Variants in GALNT9 observed in about 807,000 individuals in gnomAD.
GALNT9 encodes polypeptide N-acetylgalactosaminyltransferase 9.
Under a neutral mutation model 63.1 loss-of-function variants are expected in GALNT9, and 47 were observed. The ratio of observed to expected loss-of-function variants is 0.75; its 90% confidence interval spans 0.59 to 0.95. GALNT9 has a LOEUF of 0.95. Ranked by LOEUF, GALNT9 falls within the 40% of genes least tolerant of loss-of-function variation. The pLI is 0.00. For missense variants in GALNT9, 829 were observed against 874.8 expected (o/e 0.95, Z 0.66); for synonymous variants, 396 against 365.7 (o/e 1.08, Z -0.94).
At chr12:132,313,891 C>T (rs1459869030) in intron 1 of GALNT9, among the ~76,000 whole-genome samples, 1 of 134,182 alleles carries the variant, frequency 7.5e-6, no homozygotes, top group African/African-American at 2.8e-5. Context: ...TACATACATA[C>T]ATACATACGT....
At chr12:132,229,558 C>T (rs1422684125) in intron 6 of GALNT9, among the ~76,000 whole-genome samples, 1 of 152,254 alleles carries the variant, frequency 6.6e-6, no homozygotes, top group Non-Finnish European at 1.5e-5. Context: ...AGGCACAGCC[C>T]CGCAGTAAGT....
rs1034708311 is a variant in GALNT9, at chr12:132,319,614, G to A, written c.238+9352C>T. ...TCTCTATCCGCCGGCTCCTTTCCTC[G>A]GGAGAGCCCTGACGCACACACTAGC... On this transcript the variant is annotated intron_variant, in intron 1 of 10. Coordinates refer to ENST00000328957, the MANE Select transcript of GALNT9 (RefSeq NM_001122636.2). The surrounding 1 kb of genome is among the most constrained non-coding windows in gnomAD (Gnocchi z 5.2). Among the ~76,000 whole-genome samples the A allele has an allele frequency of 1.2e-4, 18 of 152,044 alleles. No homozygotes were observed. The highest frequency in any genetic ancestry group is 2.2e-4 in the Non-Finnish European group (15 of 68,026).
chr12:132,262,317 A>ACCC, intron 3 of GALNT9, 142 bp downstream of exon 3: 1 of 1,136,490 alleles, frequency 8.8e-7, no homozygotes, highest in South Asian at 1.7e-5. Context: ...GGCAGGAGGG[A>ACCC]CCCCCATAGG....
chr12:132,248,148 G>C (rs1263323392), intron 5 of GALNT9, 121 bp from the exon 6 acceptor site: 6 of 1,383,672 alleles, frequency 4.3e-6, no homozygotes, highest in Middle Eastern at 2.5e-4. Context: ...CCTCCTCCCT[G>C]TGCACTCAGG....
At chr12:132,259,903 C>T (rs1489764884) in intron 4 of GALNT9, among the ~76,000 whole-genome samples, 2 of 152,002 alleles carry the variant, frequency 1.3e-5, no homozygotes, top group South Asian at 2.1e-4. Flanking sequence ...AATGTCCTCC[C>T]GGGTCTTCCT....
chr12:132,301,735 C>A (rs1881304141), intron 1 of GALNT9, among the ~76,000 whole-genome samples: 1 of 152,390 alleles, frequency 6.6e-6, no homozygotes, highest in South Asian at 2.1e-4. Context: ...CAGCCTCCCC[C>A]ATGCCCTGCA....
intron 6 of GALNT9, among the ~76,000 whole-genome samples, chr12:132,219,863 G>T (rs1877377988): frequency 6.7e-6 from 1 of 149,534 alleles, no homozygotes; most frequent in Non-Finnish European, 1.5e-5. Flanking sequence ...CACCCGCCCG[G>T]GAAAGGGGAA....
At chr12:132,268,072 C>T (rs118129263) in intron 2 of GALNT9, among the ~76,000 whole-genome samples, 330 of 150,688 alleles carry the variant, frequency 2.2e-3, no homozygotes, top group South Asian at 0.011. Flanking sequence ...CACGCACTCA[C>T]GCAGTCACAT....
In GALNT9 at chr12:132,316,236, C is replaced by T. The variant is rs1001446039; in HGVS notation, c.238+12730G>A. 5.9e-5 allele frequency among the ~76,000 whole-genome samples: 9 copies of T among 152,136 alleles called. No individual in the cohort carries two copies. The South Asian group carries it at 1.9e-3, about 32-fold the overall frequency. On this transcript the variant is annotated intron_variant, in intron 1 of 10. Transcript: ENST00000328957. The surrounding 1 kb of genome is among the most constrained non-coding windows in gnomAD (Gnocchi z 4.3). ...AAGCTGGATCACAGTCAGTGCCTGC[C>T]CCGGGCCCCGACCTGCAAAGGGGGG...
At chr12:132,225,636 C>A (rs1870274659) in intron 6 of GALNT9, among the ~76,000 whole-genome samples, 1 of 149,274 alleles carries the variant, frequency 6.7e-6, no homozygotes, top group South Asian at 2.1e-4. Flanking sequence ...AACCCACACC[C>A]CACACACTGT....
At chr12:132,222,951 A>C (rs1877519880) in intron 6 of GALNT9, among the ~76,000 whole-genome samples, 3 of 105,558 alleles carry the variant, frequency 2.8e-5, no homozygotes, top group Non-Finnish European at 1.9e-5. Context: ...ACACCACACA[A>C]CTCACACCCC....
rs576719500 is a variant in GALNT9, at chr12:132,319,667, G to C, written c.238+9299C>G. On this transcript the variant is annotated intron_variant, in intron 1 of 10. Coordinates refer to ENST00000328957, the MANE Select transcript of GALNT9 (RefSeq NM_001122636.2). The surrounding 1 kb of genome is among the most constrained non-coding windows in gnomAD (Gnocchi z 5.2). ...AGTTTGCTTTTCAACAGGCCTTTCC[G>C]TCTGGGGCAGGTCAACACCCCACTC... is the stretch of plus-strand genomic sequence containing the variant. Among the ~76,000 whole-genome samples the C allele has an allele frequency of 6.6e-6, 1 of 152,082 alleles. No individual in the cohort carries two copies.
intron 10 of GALNT9, 133 bp downstream of exon 10, chr12:132,197,659 C>T: frequency 1.4e-6 from 1 of 689,816 alleles, no homozygotes; most frequent in Non-Finnish European, 2.5e-6. Context: ...TGATCCAAGG[C>T]CCGGTCCCCT....
Position 132,252,130 on chromosome 12 carries a change from A to G in GALNT9, c.960-4103T>C, listed in dbSNP as rs541929156. On this transcript the variant is annotated intron_variant, in intron 5 of 10. Transcript: ENST00000328957. The surrounding 1 kb of genome is among the most constrained non-coding windows in gnomAD (Gnocchi z 5.2). Reference sequence around the variant, plus strand: ...GGACTAGAACAGGGTGGAGGCCAACAGGGCAGCCACCTCCACAGGCCCAGG... The same window carrying G: ...GGACTAGAACAGGGTGGAGGCCAACGGGGCAGCCACCTCCACAGGCCCAGG... Among the ~76,000 whole-genome samples, 8 of 152,334 alleles carry G rather than the reference A, an allele frequency of 5.3e-5. No individual in the cohort carries two copies. The highest frequency in any genetic ancestry group is 5.2e-4 in the Admixed American group (8 of 15,308).
chr12:132,322,344 C>G (rs1593126357), intron 1 of GALNT9, among the ~76,000 whole-genome samples: 2 of 152,260 alleles, frequency 1.3e-5, no homozygotes, highest in African/African-American at 4.8e-5. Context: ...GGCCCGCGTC[C>G]TCAGCGCAGT....
rs150388567 is a variant in GALNT9 at position 132,271,184 on chromosome 12, C to A, written c.420-8559G>T. ...GTGGGGCCACACGTTCTCAGCAGGG[C>A]GGTCACACGTGAACAGCCTGTGTGT... is the stretch of plus-strand genomic sequence containing the variant. On this transcript the variant is annotated intron_variant, in intron 2 of 10. Coordinates refer to ENST00000328957, the MANE Select transcript of GALNT9 (RefSeq NM_001122636.2). 2.9e-3 allele frequency among the ~76,000 whole-genome samples: 434 copies of A among 152,242 alleles called. 5 individuals carry two copies. The highest frequency in any genetic ancestry group is 0.024 in the Admixed American group (372 of 15,296).
Position 132,286,150 on chromosome 12 carries a change from T to C in GALNT9, c.419+100A>G. On this transcript the variant is annotated intron_variant, in intron 2 of 10. Coordinates refer to ENST00000328957, the MANE Select transcript of GALNT9 (RefSeq NM_001122636.2). The surrounding 1 kb of genome is among the most constrained non-coding windows in gnomAD (Gnocchi z 7.4). Reference sequence around the variant, plus strand: ...CCTGGCGGGCGTGGGGGCCGCTCACTTCCCCGGCCGGCGTGGGGGGCAGTC... The same window carrying C: ...CCTGGCGGGCGTGGGGGCCGCTCACCTCCCCGGCCGGCGTGGGGGGCAGTC... 1 of 1,322,470 alleles carries C rather than the reference T, an allele frequency of 7.6e-7. No individual in the cohort carries two copies. The highest frequency in any genetic ancestry group is 1.0e-6 in the Non-Finnish European group (1 of 1,003,414). The allele number at this position is 1,322,470 out of a possible 1,614,324, so 81.9% of individuals were successfully genotyped here.
chr12:132,288,017 C>G (rs1306381548), intron 1 of GALNT9, among the ~76,000 whole-genome samples: 3 of 152,232 alleles, frequency 2.0e-5, no homozygotes, highest in South Asian at 2.1e-4. Context: ...GTCTCTGGTC[C>G]TCGGAGGAAG....
At chr12:132,306,493 T>A (rs1353573028) in intron 1 of GALNT9, among the ~76,000 whole-genome samples, 1 of 151,788 alleles carries the variant, frequency 6.6e-6, no homozygotes, top group East Asian at 1.9e-4. Flanking sequence ...AGAGCGGGGG[T>A]CTAGACTGTG....
Sources: gnomAD v4.1 joint callset for allele counts (sites outside exome capture counted in the v4.1 genomes callset) on GRCh38, gnomAD v4.1.1 for gene constraint, Gnocchi (gnomAD v3.1) non-coding constraint, MANE v1.5 for transcripts, NCBI Gene and HGNC (gene_info 2026-07-23, HGNC 2026-07-21) for gene names.